The following ZBTB7C variants were observed in gnomAD, a reference collection of about 807,000 sequenced individuals.
The protein encoded by ZBTB7C is zinc finger and BTB domain-containing protein 7C.
Under a neutral mutation model 25.7 loss-of-function variants are expected in ZBTB7C, and 8 were observed. That is an observed-to-expected ratio of 0.31 (90% CI 0.18 to 0.56). The LOEUF (loss-of-function observed/expected upper bound fraction) is 0.56, where lower values mean the gene tolerates loss of function less well. ZBTB7C is among the 20% of genes least tolerant of loss of function. The probability of loss-of-function intolerance (pLI) is 0.91; values close to 1 mark genes in which losing one functional copy is unlikely to be tolerated. For synonymous variants in ZBTB7C, 394 were observed against 369.0 expected, an observed-to-expected ratio of 1.07 and a Z score of -0.78; for missense variants, 824 against 855.2, an observed-to-expected ratio of 0.96 and a Z score of 0.46.
intron 3 of ZBTB7C, chr18:48,147,794 A>C (rs1191865243): frequency 6.6e-6 from 1 of 151,110 alleles, no homozygotes; most frequent in Non-Finnish European, 1.5e-5. Context: ...TTGTATTATT[A>C]GTAGAGATGG....
chr18:48,188,469 T>C (rs4940314), intron 2 of ZBTB7C, among the ~76,000 whole-genome samples: 50,446 of 152,112 alleles, frequency 0.33, 8,524 homozygotes, highest in South Asian at 0.51. Flanking sequence ...TCCAGCCCCA[T>C]GATTCAATTA....
intron 2 of ZBTB7C, among the ~76,000 whole-genome samples, chr18:48,257,637 AG>A (rs1414360766): frequency 6.6e-6 from 1 of 152,218 alleles, no homozygotes; most frequent in Non-Finnish European, 1.5e-5. Context: ...TTCATGAACA[AG>A]ATACAGAAAT....
intron 1 of ZBTB7C, among the ~76,000 whole-genome samples, chr18:48,400,672 A>C (rs546951090): frequency 6.6e-6 from 1 of 152,352 alleles, no homozygotes; most frequent in African/African-American, 2.4e-5. Context: ...GCTACTGAGC[A>C]CTTGAAGTAT....
At chr18:48,151,962 A>T (rs1345342023) in intron 3 of ZBTB7C, among the ~76,000 whole-genome samples, 1 of 152,138 alleles carries the variant, frequency 6.6e-6, no homozygotes, top group Non-Finnish European at 1.5e-5. Context: ...AAGGGGAGGG[A>T]CACAGGCCAG....
chr18:48,099,780 GC>G (rs1416558188), intron 3 of ZBTB7C, among the ~76,000 whole-genome samples: 1 of 152,214 alleles, frequency 6.6e-6, no homozygotes, highest in Admixed American at 6.5e-5. Context: ...GCGGCTGGCA[GC>G]CTTTCCCCAC....
chr18:48,339,461 A>G (rs980110093), intron 1 of ZBTB7C, among the ~76,000 whole-genome samples: 1 of 152,244 alleles, frequency 6.6e-6, no homozygotes, highest in Non-Finnish European at 1.5e-5. Context: ...TTTTGCATCC[A>G]TTGGGGATCC....
intron 1 of ZBTB7C, among the ~76,000 whole-genome samples, chr18:48,384,485 G>C (rs1394579749): frequency 1.3e-5 from 2 of 152,222 alleles, no homozygotes; most frequent in Non-Finnish European, 2.9e-5. Context: ...GGCTATTGGA[G>C]ACTGAAGGGT....
chr18:48,187,776 G>T (rs2042094018), intron 2 of ZBTB7C, among the ~76,000 whole-genome samples: 1 of 140,174 alleles, frequency 7.1e-6, no homozygotes, highest in African/African-American at 2.6e-5. Flanking sequence ...AGTCGAGATG[G>T]TGCCACTGTA....
intron 3 of ZBTB7C, among the ~76,000 whole-genome samples, chr18:48,181,799 C>A (rs1438039020): frequency 1.3e-5 from 2 of 152,198 alleles, no homozygotes; most frequent in Non-Finnish European, 2.9e-5. Flanking sequence ...ACATCTGTAG[C>A]CTTCAGTCAC....
chr18:48,410,549 G>A (rs763211381), upstream of ZBTB7C: 1 of 152,498 alleles, frequency 6.6e-6, no homozygotes, highest in Non-Finnish European at 1.5e-5. Context: ...GCCACGAAGG[G>A]CCAGTGCGAG....
chr18:48,246,416 C>A (rs568996051), intron 2 of ZBTB7C, among the ~76,000 whole-genome samples: 1 of 149,608 alleles, frequency 6.7e-6, no homozygotes, highest in Non-Finnish European at 1.5e-5. Context: ...GGCAAGAGAG[C>A]GAGACTCTGT....
At chr18:48,407,559 G>A (rs2048308968) in intron 1 of ZBTB7C, among the ~76,000 whole-genome samples, 1 of 152,192 alleles carries the variant, frequency 6.6e-6, no homozygotes, top group Non-Finnish European at 1.5e-5. Flanking sequence ...GCCCAGGGAA[G>A]TCTCTCCACC....
At position 48,125,543 on chromosome 18, in the gene ZBTB7C, G is replaced by A. The variant is rs1444289610; in HGVS notation, c.-17+60391C>T. 2.0e-5 allele frequency among the ~76,000 whole-genome samples: 3 copies of A among 152,220 alleles called. No homozygotes were observed. The East Asian group carries it at 5.8e-4, about 29-fold the overall frequency. ...CTTGTTTCAGGATTCGGCTAACCCTGTTCCCCAGACCACAGCAGACAGGGG... is the reference window on the plus strand; with the variant it reads ...CTTGTTTCAGGATTCGGCTAACCCTATTCCCCAGACCACAGCAGACAGGGG... On this transcript the variant is annotated intron_variant, in intron 3 of 4. Transcript: ENST00000590800.
intron 3 of ZBTB7C, among the ~76,000 whole-genome samples, chr18:48,177,647 G>A (rs1450194367): frequency 6.6e-6 from 1 of 152,140 alleles, no homozygotes; most frequent in Non-Finnish European, 1.5e-5. Context: ...TCGCCCCTCA[G>A]GCCAGGCCTG....
At chr18:48,392,086 A>G (rs2047915854) in intron 1 of ZBTB7C, among the ~76,000 whole-genome samples, 1 of 152,138 alleles carries the variant, frequency 6.6e-6, no homozygotes. Flanking sequence ...TTTCTGCTCC[A>G]CACCAGCTGG....
At chr18:48,269,723 G>A (rs1157887790) in intron 2 of ZBTB7C, among the ~76,000 whole-genome samples, 1 of 152,152 alleles carries the variant, frequency 6.6e-6, no homozygotes, top group Non-Finnish European at 1.5e-5. Context: ...AAGATTTTCA[G>A]GAGACTCCTG....
chr18:48,339,110 C>T (rs1183174351), intron 1 of ZBTB7C, among the ~76,000 whole-genome samples: 1 of 152,256 alleles, frequency 6.6e-6, no homozygotes, highest in African/African-American at 2.4e-5. Context: ...GGCCAAAGTC[C>T]TTCTGGCTGA....
At position 48,029,383 on chromosome 18, in the gene ZBTB7C, G is replaced by A. The variant is rs1463616249; in HGVS notation, c.1737C>T (p.Ala579=). 18 of 1,557,740 alleles carry A rather than the reference G, an allele frequency of 1.2e-5. No homozygotes were observed. The highest frequency in any genetic ancestry group is 2.4e-5 in the East Asian group (1 of 41,618). Residue 579 remains alanine (A), a synonymous_variant, in exon 5 of 5, where the codon GCC becomes GCT. Transcript: ENST00000590800. The stretch of plus-strand genomic sequence containing the variant: ...AGGGCCGCGCCGCCGCCACGTTCTC[G>A]GCCAGCGCGAAGGCCAGGAGGCCCC... ...NAGGLLAFAL[A]ENVAAARPYF...
chr18:48,367,657 A>G (rs1481459016), intron 1 of ZBTB7C, among the ~76,000 whole-genome samples: 1 of 151,992 alleles, frequency 6.6e-6, no homozygotes, highest in Non-Finnish European at 1.5e-5. Context: ...AGCCCAGGAA[A>G]CACTGCGGCC....
Sources: allele counts gnomAD v4.1 joint callset (sites outside exome capture counted in the v4.1 genomes callset), GRCh38; gene constraint gnomAD v4.1.1; transcripts MANE v1.5; gene names NCBI Gene and HGNC (gene_info 2026-07-23, HGNC 2026-07-21).